The following MINAR1 variants were observed in gnomAD, a reference collection of about 807,000 sequenced individuals.
MINAR1 encodes major intrinsically disordered Notch2-binding receptor 1.
Under a neutral mutation model 65.1 loss-of-function variants are expected in MINAR1, and 40 were observed. That is an observed-to-expected ratio of 0.61 (90% CI 0.48 to 0.80). The LOEUF is 0.80. MINAR1 is among the 30% of genes least tolerant of loss of function. The pLI, the probability that MINAR1 is intolerant of heterozygous loss-of-function variation, is 0.00. For missense variants in MINAR1, 1,128 were observed against 1,148.0 expected (o/e 0.98, Z 0.25); for synonymous variants, 482 against 449.1 (o/e 1.07, Z -0.93).
At position 79,471,984 on chromosome 15, in the gene MINAR1, A is replaced by G. The variant is rs1896103211; in HGVS notation, c.*3600A>G. On this transcript the variant is annotated 3_prime_UTR_variant, in exon 4 of 4. Coordinates refer to ENST00000305428, the MANE Select transcript of MINAR1 (RefSeq NM_015206.3). ...AATATTTATTAAGTAACAATGAGAA[A>G]TGCAACAAACTTCCTTATTTATGCC... 1 of 152,640 alleles carries G rather than the reference A, an allele frequency of 6.6e-6. No individual in the cohort carries two copies. Among genetic ancestry groups the G allele is most frequent in the South Asian group, 2.1e-4 (1 of 4,834 alleles). 9.5% of individuals were successfully genotyped at this position (152,640 alleles called of 1,614,324 possible). A position where few individuals can be genotyped will look rare whatever the true frequency, so the allele number is the denominator to read the frequency against.
In MINAR1 at chr15:79,463,101, G is replaced by T; in HGVS notation, c.2333G>T (p.Arg778Leu). ...CAGTACGACATTCCCCCACAGCACCGACTGCCCAAGCAGCCCAAAGATGGC... is the reference window on the plus strand; with the variant it reads ...CAGTACGACATTCCCCCACAGCACCTACTGCCCAAGCAGCCCAAAGATGGC... Reference protein sequence around the residue: ...DRQYDIPPQHRLPKQPKDGFL... With the variant: ...DRQYDIPPQHLLPKQPKDGFL... The change falls in exon 3 of 4, where the codon CGA becomes CTA. Residue 778 changes from arginine (R) to leucine (L), a missense_variant. Physicochemically the swap from Arg to Leu is moderately radical, Grantham distance 102. Coordinates refer to ENST00000305428, the MANE Select transcript of MINAR1 (RefSeq NM_015206.3). 3 of 1,614,068 alleles carry T rather than the reference G, an allele frequency of 1.9e-6. No individual in the cohort carries two copies. Among genetic ancestry groups the T allele is most frequent in the Non-Finnish European group, 2.5e-6 (3 of 1,179,988 alleles).
chr15:79,430,832 G>A (rs371033338), upstream of MINAR1, among the ~76,000 whole-genome samples: 1 of 152,186 alleles, frequency 6.6e-6, no homozygotes, highest in Non-Finnish European at 1.5e-5. Flanking sequence ...CTGATAGGGC[G>A]TTATTTAAAG....
chr15:79,450,188 CCA>C (rs747744746), intron 1 of MINAR1, among the ~76,000 whole-genome samples: 6 of 152,166 alleles, frequency 3.9e-5, no homozygotes, highest in Non-Finnish European at 8.8e-5. Context: ...TCTCTGGACC[CCA>C]GTTTTCTTGA....
At position 79,448,506 on chromosome 15, in the gene MINAR1, A is replaced by G. The variant is rs148350887; in HGVS notation, c.-50-7592A>G. The stretch of plus-strand genomic sequence containing the variant: ...TCACAGTAGCAACCACCATCCTAAA[A>G]CCAGAAGCAAGACAAAATTCAAAAC... On this transcript the variant is annotated intron_variant, in intron 1 of 3. Coordinates refer to ENST00000305428, the MANE Select transcript of MINAR1 (RefSeq NM_015206.3). Among the ~76,000 whole-genome samples the G allele has an allele frequency of 3.9e-4, 60 of 152,288 alleles. No homozygotes were observed. The East Asian group carries it at 0.011, about 28-fold the overall frequency.
At chr15:79,434,396 G>C (rs1894537132) in intron 1 of MINAR1, among the ~76,000 whole-genome samples, 1 of 152,224 alleles carries the variant, frequency 6.6e-6, no homozygotes, top group African/African-American at 2.4e-5. Context: ...GCTCCTGTGA[G>C]GTTGAAATAT....
chr15:79,432,733 G>T (rs952677014), intron 1 of MINAR1, among the ~76,000 whole-genome samples, 193 bp downstream of exon 1: 1 of 152,238 alleles, frequency 6.6e-6, no homozygotes, highest in Non-Finnish European at 1.5e-5. Context: ...GGCCCTTGTC[G>T]CTGCGCTCAG....
chr15:79,471,886 C>G lies in MINAR1; in HGVS notation c.*3502C>G, dbSNP rs1160303718. On this transcript the variant is annotated 3_prime_UTR_variant, in exon 4 of 4. Transcript: ENST00000305428. ...ATACCAAATCAGTATATACTGTATA[C>G]TGTACTATGAAAATTTGTATTTAAA... is the stretch of plus-strand genomic sequence containing the variant. 1 of 152,510 alleles carries G rather than the reference C, an allele frequency of 6.6e-6. No homozygotes were observed. The highest frequency in any genetic ancestry group is 1.5e-5 in the Non-Finnish European group (1 of 68,026). The allele number at this position is 152,510 out of a possible 1,614,324, so 9.4% of individuals were successfully genotyped here. A position where few individuals can be genotyped will look rare whatever the true frequency, so the allele number is the denominator to read the frequency against.
At position 79,469,219 on chromosome 15, in the gene MINAR1, T is replaced by G. The variant is rs1397569269; in HGVS notation, c.*835T>G. The G allele has an allele frequency of 6.6e-6, 1 of 152,646 alleles. No individual in the cohort carries two copies. The highest frequency in any genetic ancestry group is 1.9e-4 in the East Asian group (1 of 5,202). 9.5% of individuals were successfully genotyped at this position (152,646 alleles called of 1,614,324 possible). The stretch of plus-strand genomic sequence containing the variant: ...TTTGGTGTGTGGCTCCATTCCTTGA[T>G]TTTCTATCTCCTGGTGGTACCAGAT... On this transcript the variant is annotated 3_prime_UTR_variant, in exon 4 of 4. Transcript: ENST00000305428.
intron 1 of MINAR1, among the ~76,000 whole-genome samples, chr15:79,439,845 CTG>C (rs1175946834): frequency 4.1e-4 from 62 of 152,056 alleles, no homozygotes; most frequent in African/African-American, 1.4e-3. Context: ...AAGCCTGACT[CTG>C]TAGTCACAGC....
chr15:79,461,392 C>T (rs1316237128), intron 2 of MINAR1, among the ~76,000 whole-genome samples: 1 of 152,198 alleles, frequency 6.6e-6, no homozygotes, highest in Non-Finnish European at 1.5e-5. Context: ...GTGGTGGACA[C>T]ATAGCCCTTG....
intron 1 of MINAR1, among the ~76,000 whole-genome samples, chr15:79,439,219 G>C (rs1301377807): frequency 1.6e-5 from 1 of 61,260 alleles, no homozygotes; most frequent in African/African-American, 6.1e-5. Context: ...AGTGTGTGGG[G>C]TGTGGGTGTG....
At chr15:79,433,906 A>G (rs192267580) in intron 1 of MINAR1, among the ~76,000 whole-genome samples, 259 of 152,272 alleles carry the variant, frequency 1.7e-3, no homozygotes, top group African/African-American at 5.7e-3. Flanking sequence ...GATTAGAGAG[A>G]GTAGGATGCC....
chr15:79,441,050 A>G (rs1224140146), intron 1 of MINAR1, among the ~76,000 whole-genome samples: 1 of 152,206 alleles, frequency 6.6e-6, no homozygotes, highest in African/African-American at 2.4e-5. Context: ...CCTTGTTAGT[A>G]ACCTCAGGAA....
chr15:79,468,233 A>G lies in MINAR1; in HGVS notation c.2600A>G (p.Asp867Gly), dbSNP rs760319732. ...AATAATTTAGAGTACTGGATGGAAG[A>G]CATTTATACTCCAGGATACGATTCA... is the stretch of plus-strand genomic sequence containing the variant. ...NPNNLEYWMEDIYTPGYDSLL... is the reference protein window; with the variant it reads ...NPNNLEYWMEGIYTPGYDSLL... The change falls in exon 4 of 4, where the codon GAC becomes GGC. Residue 867 changes from aspartate to glycine, a missense_variant. Physicochemically the swap from Asp to Gly is moderately conservative, Grantham distance 94. Coordinates refer to ENST00000305428, the MANE Select transcript of MINAR1 (RefSeq NM_015206.3). 6.2e-7 allele frequency: 1 copy of G among 1,614,024 alleles called. No individual in the cohort carries two copies. The highest frequency in any genetic ancestry group is 8.5e-7 in the Non-Finnish European group (1 of 1,180,010).
chr15:79,440,270 G>C (rs1894834164), intron 1 of MINAR1, among the ~76,000 whole-genome samples: 1 of 152,064 alleles, frequency 6.6e-6, no homozygotes. Flanking sequence ...GAAGATCTGG[G>C]GTTTGGCTTG....
At chr15:79,459,332 G>A (rs1020207660) in intron 2 of MINAR1, among the ~76,000 whole-genome samples, 2 of 152,158 alleles carry the variant, frequency 1.3e-5, no homozygotes, top group African/African-American at 4.8e-5. Context: ...CATGTTTATA[G>A]CAGACTTCAC....
the MINAR1 span, chr15:79,425,338 G>C: frequency 6.6e-6 from 1 of 152,126 alleles, no homozygotes; most frequent in South Asian, 2.1e-4. Context: ...CAGGCCCATG[G>C]TTCTTCTTTA....
At chr15:79,427,724 A>G (rs1040369085), upstream of MINAR1, among the ~76,000 whole-genome samples, 6 of 152,200 alleles carry the variant, frequency 3.9e-5, no homozygotes, top group African/African-American at 9.6e-5. Context: ...TCTGAGATTT[A>G]TTTGTGCATG....
At chr15:79,413,987 A>G in the MINAR1 span, 1 of 152,112 alleles carries the variant, frequency 6.6e-6, no homozygotes, top group Non-Finnish European at 1.5e-5. Flanking sequence ...CTTCTATGGG[A>G]TACTGTCTAG....
Sources: allele counts gnomAD v4.1 joint callset (sites outside exome capture counted in the v4.1 genomes callset), GRCh38; gene constraint gnomAD v4.1.1; transcripts MANE v1.5; gene names NCBI Gene and HGNC (gene_info 2026-07-23, HGNC 2026-07-21).